Variants in TXNRD1 observed in about 807,000 individuals in gnomAD.
TXNRD1 encodes the protein thioredoxin reductase 1.
Under a neutral mutation model 80.3 loss-of-function variants are expected in TXNRD1, and 57 were observed. That is an observed-to-expected ratio of 0.71 (90% CI 0.57 to 0.89). TXNRD1 has a LOEUF of 0.89. Ranked by LOEUF, TXNRD1 falls within the 40% of genes least tolerant of loss-of-function variation. The pLI is 0.00. For synonymous variants in TXNRD1, 291 were observed against 285.2 expected, an observed-to-expected ratio of 1.02 and a Z score of -0.20; for missense variants, 730 against 803.0, an observed-to-expected ratio of 0.91 and a Z score of 1.10.
At chr12:104,338,467 C>T (rs905457658) in intron 15 of TXNRD1, among the ~76,000 whole-genome samples, 2 of 151,260 alleles carry the variant, frequency 1.3e-5, no homozygotes, top group African/African-American at 2.4e-5. Flanking sequence ...GGCCGAGGTG[C>T]GTGGATCACC....
At chr12:104,337,243 G>A (rs1367359150) in intron 15 of TXNRD1, among the ~76,000 whole-genome samples, 4 of 151,894 alleles carry the variant, frequency 2.6e-5, no homozygotes, top group Non-Finnish European at 4.4e-5. Flanking sequence ...TCGTCAGGGC[G>A]AATATGTGTA....
chr12:104,287,421 G>A (rs762926828), intron 3 of TXNRD1: 18 of 1,613,652 alleles, frequency 1.1e-5, no homozygotes, highest in African/African-American at 5.3e-5. Context: ...GCAGAACAGC[G>A]GAGAAAATGG....
intron 1 of TXNRD1, among the ~76,000 whole-genome samples, chr12:104,241,152 G>T (rs1402899652): frequency 4.6e-5 from 7 of 151,516 alleles, no homozygotes; most frequent in South Asian, 4.2e-4. Flanking sequence ...TGATTCTCCT[G>T]CCTCAGCCTC....
At chr12:104,322,480 A>C (rs915166124) in intron 10 of TXNRD1, among the ~76,000 whole-genome samples, 9 of 145,350 alleles carry the variant, frequency 6.2e-5, no homozygotes, top group Middle Eastern at 7.6e-3. Context: ...TCCCAAGTTC[A>C]AGCGATTCTG....
At chr12:104,291,199 T>A in intron 4 of TXNRD1, 7 of 203,490 alleles carry the variant, frequency 3.4e-5, no homozygotes, top group East Asian at 2.2e-4. Flanking sequence ...TTTGTGTCTT[T>A]TTTTTTTTTT....
intron 1 of TXNRD1, among the ~76,000 whole-genome samples, chr12:104,232,542 CAG>C (rs1212736096): frequency 6.6e-6 from 1 of 151,818 alleles, no homozygotes; most frequent in African/African-American, 2.4e-5. Flanking sequence ...GCGTAGGTGA[CAG>C]AGCGAGACAC....
chr12:104,252,063 C>CAA (rs60195108), intron 2 of TXNRD1, among the ~76,000 whole-genome samples: 1,977 of 54,968 alleles, frequency 0.036, 60 homozygotes, highest in South Asian at 0.12. Context: ...GACTCCATCT[C>CAA]AAAAAAAAAA....
chr12:104,215,844 A>G lies in TXNRD1; in HGVS notation c.42A>G (p.Pro14=), dbSNP rs1256236686. Reference sequence around the variant, plus strand: ...GCAAGGCAGTGGCGGCGGCCGCCCCAACGGAGCTGCAGACGAAAGGCAAGA... The same window carrying G: ...GCAAGGCAGTGGCGGCGGCCGCCCCGACGGAGCTGCAGACGAAAGGCAAGA... ...AEGKAVAAAA[P]TELQTKGKNG... The change falls in exon 1 of 17, where the codon CCA becomes CCG. Residue 14 remains proline, a synonymous_variant. Coordinates refer to ENST00000525566, the MANE Select transcript of TXNRD1 (RefSeq NM_001093771.3). 1.3e-6 allele frequency: 2 copies of G among 1,560,694 alleles called. No homozygotes were observed. The highest frequency in any genetic ancestry group is 8.7e-7 in the Non-Finnish European group (1 of 1,153,764).
chr12:104,324,615 G>C (rs2035691378), intron 10 of TXNRD1, among the ~76,000 whole-genome samples: 1 of 151,074 alleles, frequency 6.6e-6, no homozygotes, highest in Admixed American at 6.6e-5. Context: ...CTCCCAAAGT[G>C]CTGGGATTAC....
chr12:104,322,852 G>C (rs1055921626), intron 10 of TXNRD1, among the ~76,000 whole-genome samples: 3 of 147,812 alleles, frequency 2.0e-5, no homozygotes, highest in Admixed American at 6.7e-5. Context: ...TTCTCACAGA[G>C]GGGGATTTGG....
chr12:104,326,398 A>T lies in TXNRD1; in HGVS notation c.1360A>T (p.Thr454Ser), dbSNP rs776383661. Residue 454 changes from threonine (T) to serine (S), a missense_variant, in exon 12 of 17, where the codon ACC becomes TCC. Transcript: ENST00000525566. ...DACTRKIGLETVGVKINEKTG... is the reference protein window; with the variant it reads ...DACTRKIGLESVGVKINEKTG... ...TTGCACAAGAAAAATTGGCTTAGAA[A>T]CCGTAGGGGTGAAGATAAATGAAAA... is the stretch of plus-strand genomic sequence containing the variant. 15 of 1,592,288 alleles carry T rather than the reference A, an allele frequency of 9.4e-6. No individual in the cohort carries two copies. The South Asian group carries it at 1.7e-4, about 19-fold the overall frequency.
intron 3 of TXNRD1, among the ~76,000 whole-genome samples, chr12:104,263,439 G>T (rs1038184519): frequency 6.6e-6 from 1 of 152,034 alleles, no homozygotes; most frequent in African/African-American, 2.4e-5. Flanking sequence ...GATGGTGTCT[G>T]TTGCACACAC....
chr12:104,242,111 G>A (rs1673780728), intron 1 of TXNRD1, among the ~76,000 whole-genome samples: 1 of 150,534 alleles, frequency 6.6e-6, no homozygotes, highest in Non-Finnish European at 1.5e-5. Flanking sequence ...CTATTTTTTT[G>A]TATTTTTAGT....
chr12:104,312,153 A>G (rs545141614), intron 5 of TXNRD1, among the ~76,000 whole-genome samples: 5 of 152,220 alleles, frequency 3.3e-5, no homozygotes, highest in East Asian at 3.9e-4. Context: ...CTTCTCTCCA[A>G]TATAAAAAAA....
intron 3 of TXNRD1, chr12:104,265,536 G>A: frequency 6.2e-7 from 1 of 1,610,762 alleles, no homozygotes; most frequent in South Asian, 1.1e-5. Flanking sequence ...TGCGGGTGAA[G>A]AACTTCAGGA....
Position 104,334,315 on chromosome 12 carries a change from T to C in TXNRD1, c.1729T>C (p.Cys577Arg). The change falls in exon 15 of 17, where the codon TGT (cysteine) becomes CGT (arginine). Residue 577 changes from cysteine (C) to arginine (R), a missense_variant. Physicochemically the swap from Cys to Arg is radical, Grantham distance 180. Transcript: ENST00000525566. ...CAACAAATGTTATGCAAAAATAATCTGTAATACTAAAGACAATGTAAGTTT... is the reference window on the plus strand; with the variant it reads ...CAACAAATGTTATGCAAAAATAATCCGTAATACTAAAGACAATGTAAGTTT... ...DNNKCYAKII[C>R]NTKDNERVVG... is the part of the protein sequence containing the mutation. 3.3e-6 allele frequency: 5 copies of C among 1,510,190 alleles called. No homozygotes were observed. Among genetic ancestry groups the C allele is most frequent in the Non-Finnish European group, 4.5e-6 (5 of 1,121,822 alleles). The allele number at this position is 1,510,190 out of a possible 1,614,324, so 93.5% of individuals were successfully genotyped here. A position where few individuals can be genotyped will look rare whatever the true frequency, so the allele number is the denominator to read the frequency against.
chr12:104,304,566 G>A, intron 4 of TXNRD1: 7 of 1,614,050 alleles, frequency 4.3e-6, no homozygotes, highest in Non-Finnish European at 5.9e-6. Flanking sequence ...TTGGACCTGA[G>A]TAGTTATCCA....
rs1431414287 is a variant in TXNRD1, at chr12:104,273,309, T to G, written c.304+15230T>G. On this transcript the variant is annotated intron_variant, in intron 3 of 16. Coordinates refer to ENST00000525566, the MANE Select transcript of TXNRD1 (RefSeq NM_001093771.3). ...TGCAGACCACCATTAACAAGAATGC[T>G]CGGGCAGGGCGGGGTGGCTCAGGCC... Among the ~76,000 whole-genome samples the G allele has an allele frequency of 2.0e-5, 3 of 151,984 alleles. No individual in the cohort carries two copies. In the East Asian group the frequency reaches 5.8e-4, roughly 29 times the overall value.
In TXNRD1 at chr12:104,225,699, T is replaced by C. The variant is rs1365495468; in HGVS notation, c.91+9806T>C. Reference sequence around the variant, plus strand: ...AGGCCTCCCCAGCCATGCAGAACTATGAATCAATTAAACCTCTTTTTTTTT... The same window carrying C: ...AGGCCTCCCCAGCCATGCAGAACTACGAATCAATTAAACCTCTTTTTTTTT... On this transcript the variant is annotated intron_variant, in intron 1 of 16. Transcript: ENST00000525566. Among the ~76,000 whole-genome samples the C allele has an allele frequency of 6.0e-5, 9 of 149,540 alleles. No individual in the cohort carries two copies. In the East Asian group the frequency reaches 1.4e-3, roughly 23 times the overall value.
Sources: allele counts gnomAD v4.1 joint callset (sites outside exome capture counted in the v4.1 genomes callset), GRCh38; gene constraint gnomAD v4.1.1; transcripts MANE v1.5; gene names NCBI Gene and HGNC (gene_info 2026-07-23, HGNC 2026-07-21).